THTPA: variants seen among roughly 807,000 people sequenced by gnomAD.
The protein encoded by THTPA is thiamine triphosphatase.
THTPA carries 16 observed loss-of-function variants against 16.5 expected under a neutral mutation model. That is an observed-to-expected ratio of 0.97 (90% CI 0.66 to 1.47). The LOEUF is 1.47. THTPA is among the 40% of genes most tolerant of loss of function. The pLI is 0.00. For missense variants in THTPA, 281 were observed against 280.9 expected, an observed-to-expected ratio of 1.00 and a Z score of 0.00; for synonymous variants, 110 against 115.5, an observed-to-expected ratio of 0.95 and a Z score of 0.30.
chr14:23,538,239 C>G, the THTPA span: 1 of 152,118 alleles, frequency 6.6e-6, no homozygotes, highest in African/African-American at 2.4e-5. Context: ...ATCTCTTCCC[C>G]ACCTCCCAAC....
At chr14:23,533,054 A>T in the THTPA span, 9 of 1,533,652 alleles carry the variant, frequency 5.9e-6, no homozygotes, top group Non-Finnish European at 2.6e-6. The surrounding 1 kb of genome is among the most constrained non-coding windows in gnomAD (Gnocchi z 4.8). Flanking sequence ...ACTTGGAGGC[A>T]GGTGGGCATC....
chr14:23,537,484 C>T, the THTPA span, among the ~76,000 whole-genome samples: 4 of 152,190 alleles, frequency 2.6e-5, no homozygotes, highest in African/African-American at 9.7e-5. Context: ...AATGGGTCCT[C>T]AGTCTGGCCC....
the THTPA span, chr14:23,535,295 C>T: frequency 6.8e-7 from 1 of 1,474,876 alleles, no homozygotes. This position sits in a 1 kb window ranked among gnomAD's most constrained non-coding sequence, Gnocchi z 4.5. Flanking sequence ...GGGGTGGTAC[C>T]AGTGGTAGAG....
chr14:23,552,973 C>T (rs12886523), upstream of THTPA, among the ~76,000 whole-genome samples: 13,946 of 152,180 alleles, frequency 0.092, 892 homozygotes, highest in East Asian at 0.24. Context: ...CTTTTACATA[C>T]ATTGTTTACT....
chr14:23,526,291 G>A, the THTPA span: 100 of 1,536,184 alleles, frequency 6.5e-5, no homozygotes, highest in Non-Finnish European at 8.4e-5. Context: ...TCTTCATCTT[G>A]TGAAGGTGGG....
At chr14:23,529,672 C>T in the THTPA span, 108 of 1,521,160 alleles carry the variant, frequency 7.1e-5, no homozygotes, top group Non-Finnish European at 9.1e-5. Flanking sequence ...TAAAGCCAGG[C>T]CCCCACTTCA....
the THTPA span, among the ~76,000 whole-genome samples, chr14:23,527,263 T>C: frequency 6.6e-6 from 1 of 152,202 alleles, no homozygotes; most frequent in Non-Finnish European, 1.5e-5. Context: ...TCTCAGGACT[T>C]AGTGGAGGTG....
chr14:23,530,378 TAC>T, the THTPA span: 1 of 698,820 alleles, frequency 1.4e-6, no homozygotes, highest in African/African-American at 1.8e-5. Context: ...GAGGGAAAAT[TAC>T]AGTATTAGAA....
At chr14:23,524,806 TTCC>T in the THTPA span, 54 of 1,536,884 alleles carry the variant, frequency 3.5e-5, no homozygotes, top group African/African-American at 6.2e-4. The surrounding 1 kb of genome is among the most constrained non-coding windows in gnomAD (Gnocchi z 5.6). Context: ...CTTCCACCTC[TTCC>T]TCCTCTTCCC....
chr14:23,528,427 C>A, the THTPA span, among the ~76,000 whole-genome samples: 148 of 152,334 alleles, frequency 9.7e-4, no homozygotes, highest in African/African-American at 3.4e-3. Flanking sequence ...GTCTTTGCTG[C>A]CTGCCTCAAC....
the THTPA span, chr14:23,513,891 G>A: frequency 6.6e-6 from 1 of 152,636 alleles, no homozygotes; most frequent in African/African-American, 2.4e-5. Context: ...TCCAGCTTGA[G>A]GAAGTAAAGT....
the THTPA span, chr14:23,526,389 G>C: frequency 9.8e-6 from 15 of 1,536,290 alleles, no homozygotes; most frequent in African/African-American, 1.9e-4. Context: ...GCAGGGTCGA[G>C]AAACTTGTCC....
the THTPA span, chr14:23,532,748 C>A: frequency 2.6e-5 from 40 of 1,536,046 alleles, no homozygotes; most frequent in Non-Finnish European, 2.2e-5. Flanking sequence ...ACCCCCCTCC[C>A]GCAGGTGGGC....
At chr14:23,525,478 G>C in the THTPA span, 2 of 1,536,050 alleles carry the variant, frequency 1.3e-6, no homozygotes, top group Non-Finnish European at 1.7e-6. The surrounding 1 kb of genome is among the most constrained non-coding windows in gnomAD (Gnocchi z 5.9). Context: ...TATTGGAGAA[G>C]AGTTTCCCAC....
At chr14:23,522,131 G>A in the THTPA span, 56 of 1,527,814 alleles carry the variant, frequency 3.7e-5, no homozygotes, top group Middle Eastern at 3.4e-4. Context: ...CCTGTGGGCC[G>A]AGGAGCGCAG....
At chr14:23,527,745 A>G in the THTPA span, 3 of 1,536,080 alleles carry the variant, frequency 2.0e-6, no homozygotes, top group Non-Finnish European at 1.7e-6. Flanking sequence ...GGGAGAGTGT[A>G]TGAGCCCTCA....
chr14:23,524,236 C>G, the THTPA span: 2 of 1,536,512 alleles, frequency 1.3e-6, no homozygotes, highest in Non-Finnish European at 1.7e-6. The surrounding 1 kb of genome is among the most constrained non-coding windows in gnomAD (Gnocchi z 5.6). Context: ...GGAACCAGAC[C>G]TGTACCACTC....
chr14:23,557,696 A>G (rs1339490669), intron 1 of THTPA, among the ~76,000 whole-genome samples: 2 of 152,188 alleles, frequency 1.3e-5, no homozygotes, highest in East Asian at 1.9e-4. Context: ...ACCTATAGCC[A>G]GATCTCCTTC....
the THTPA span, chr14:23,521,892 C>T: frequency 6.6e-7 from 1 of 1,519,950 alleles, no homozygotes; most frequent in Non-Finnish European, 8.8e-7. Flanking sequence ...TTTGAGCTCC[C>T]ACCGAACACC....
Sources: allele counts gnomAD v4.1 joint callset (sites outside exome capture counted in the v4.1 genomes callset), GRCh38; gene constraint gnomAD v4.1.1; non-coding constraint Gnocchi (gnomAD v3.1); transcripts MANE v1.5; gene names NCBI Gene and HGNC (gene_info 2026-07-23, HGNC 2026-07-21).